CACHD1: variants seen among roughly 807,000 people sequenced by gnomAD.
CACHD1 encodes cache domain containing 1.
A neutral mutation model predicts 138.7 loss-of-function variants in CACHD1; 71 were observed. The ratio of observed to expected loss-of-function variants is 0.51; its 90% CI spans 0.42 to 0.62. CACHD1 has a LOEUF of 0.62. Ranked by LOEUF, CACHD1 falls within the 20% of genes least tolerant of loss-of-function variation. CACHD1 has a pLI of 0.00. For missense variants in CACHD1, 1,389 were observed against 1,625.3 expected, an observed-to-expected ratio of 0.85 and a Z score of 2.50; for synonymous variants, 578 against 591.5, an observed-to-expected ratio of 0.98 and a Z score of 0.33.
intron 3 of CACHD1, among the ~76,000 whole-genome samples, chr1:64,583,762 T>C (rs970369426): frequency 2.6e-5 from 4 of 152,126 alleles, no homozygotes; most frequent in African/African-American, 7.2e-5. Flanking sequence ...ACGTCTTATA[T>C]GGTGGCAGGA....
chr1:64,533,957 G>T (rs1387868940), intron 1 of CACHD1, among the ~76,000 whole-genome samples: 1 of 151,152 alleles, frequency 6.6e-6, no homozygotes, highest in African/African-American at 2.4e-5. Flanking sequence ...GTTTCACAGT[G>T]TTAGCCAGGA....
intron 3 of CACHD1, among the ~76,000 whole-genome samples, chr1:64,590,698 T>C (rs1254690968): frequency 6.6e-6 from 1 of 152,078 alleles, no homozygotes; most frequent in African/African-American, 2.4e-5. Flanking sequence ...TTTTAATTAT[T>C]TGTTTTTAAA....
chr1:64,626,033 A>T (rs12758356), intron 4 of CACHD1, among the ~76,000 whole-genome samples: 40,900 of 152,056 alleles, frequency 0.27, 5,784 homozygotes, highest in African/African-American at 0.35. Flanking sequence ...TCTGGGCATA[A>T]GTTTCTGGGA....
intron 1 of CACHD1, among the ~76,000 whole-genome samples, chr1:64,477,244 G>A (rs1484478614): frequency 2.0e-5 from 3 of 152,162 alleles, no homozygotes; most frequent in East Asian, 3.9e-4. Context: ...CCGGGAAGGT[G>A]GTAAACATGT....
intron 2 of CACHD1, among the ~76,000 whole-genome samples, chr1:64,562,108 A>G (rs1346820541): frequency 6.6e-6 from 1 of 152,016 alleles, no homozygotes; most frequent in Non-Finnish European, 1.5e-5. Context: ...CAGCAATTTG[A>G]CTATGATTAT....
intron 1 of CACHD1, among the ~76,000 whole-genome samples, chr1:64,477,587 TA>T: frequency 8.8e-5 from 3 of 34,044 alleles, no homozygotes; most frequent in Middle Eastern, 0.022. Flanking sequence ...CCCCCCAGAT[TA>T]TTATTATTAT....
chr1:64,535,105 A>G (rs1484465592), intron 1 of CACHD1, among the ~76,000 whole-genome samples: 2 of 152,150 alleles, frequency 1.3e-5, no homozygotes, highest in Non-Finnish European at 1.5e-5. Flanking sequence ...GAAGCCCACT[A>G]AAGCTTATTT....
At chr1:64,511,603 C>T (rs1033255841) in intron 1 of CACHD1, among the ~76,000 whole-genome samples, 1 of 152,188 alleles carries the variant, frequency 6.6e-6, no homozygotes, top group African/African-American at 2.4e-5. Flanking sequence ...AGTGGTCACC[C>T]AGCCGCTTCC....
intron 4 of CACHD1, among the ~76,000 whole-genome samples, chr1:64,613,854 C>G (rs1647613340): frequency 6.6e-6 from 1 of 152,172 alleles, no homozygotes; most frequent in Admixed American, 6.5e-5. Flanking sequence ...CTGCCACATG[C>G]TGGTGAATTC....
At chr1:64,477,800 A>G (rs305553) in intron 1 of CACHD1, among the ~76,000 whole-genome samples, 12,207 of 146,186 alleles carry the variant, frequency 0.084, 567 homozygotes, top group East Asian at 0.16. Flanking sequence ...GCGCCCGGCT[A>G]ATTTTTTGTA....
chr1:64,612,100 G>T (rs1453909311), intron 4 of CACHD1, among the ~76,000 whole-genome samples: 1 of 152,088 alleles, frequency 6.6e-6, no homozygotes, highest in Non-Finnish European at 1.5e-5. Flanking sequence ...TAGCATGGGG[G>T]AAACTGCCCC....
intron 7 of CACHD1, among the ~76,000 whole-genome samples, chr1:64,641,610 C>T (rs1330754800): frequency 1.3e-5 from 2 of 152,114 alleles, no homozygotes; most frequent in Non-Finnish European, 2.9e-5. Flanking sequence ...CCTGATGCTG[C>T]ATAAATGTGG....
chr1:64,491,289 C>T (rs1306470989), intron 1 of CACHD1, among the ~76,000 whole-genome samples: 1 of 151,590 alleles, frequency 6.6e-6, no homozygotes, highest in African/African-American at 2.4e-5. Flanking sequence ...AATGATCTCC[C>T]TCTGTTTTAC....
chr1:64,483,512 T>A (rs1224777077), intron 1 of CACHD1, among the ~76,000 whole-genome samples: 1 of 151,916 alleles, frequency 6.6e-6, no homozygotes, highest in Non-Finnish European at 1.5e-5. Context: ...TTTTGAGTAA[T>A]GTTTTGAAGG....
Position 64,607,777 on chromosome 1 carries a change from G to A in CACHD1, c.517+4865G>A, listed in dbSNP as rs370516314. 3.3e-5 allele frequency among the ~76,000 whole-genome samples: 5 copies of A among 152,288 alleles called. No homozygotes were observed. In the East Asian group the frequency reaches 7.7e-4, roughly 24 times the overall value. ...TGCTCATATGATGATGGGTATGAACGTGGGGACACTCCCTTCTTAGTGATT... is the reference window on the plus strand; with the variant it reads ...TGCTCATATGATGATGGGTATGAACATGGGGACACTCCCTTCTTAGTGATT... On this transcript the variant is annotated intron_variant, in intron 4 of 26. Coordinates refer to ENST00000651257, the MANE Select transcript of CACHD1 (RefSeq NM_020925.4).
chr1:64,675,661 GT>G, intron 20 of CACHD1, 100 bp downstream of exon 20: 2 of 1,396,922 alleles, frequency 1.4e-6, no homozygotes, highest in Non-Finnish European at 2.0e-6. Context: ...AAGTGCTGGT[GT>G]GTGTCCTGAA....
intron 4 of CACHD1, 95 bp from the exon 5 acceptor site, chr1:64,629,260 C>G (rs891471993): frequency 1.5e-6 from 2 of 1,367,802 alleles, no homozygotes; most frequent in African/African-American, 2.9e-5. Flanking sequence ...TTTCTTCATA[C>G]TAGAAGCAGT....
rs1162068431 is a variant in CACHD1, at chr1:64,634,356, T to TTTTATTTA, written c.1006+106_1006+113dup. 70 of 583,000 alleles carry TTTTATTTA rather than the reference T, an allele frequency of 1.2e-4. No individual in the cohort carries two copies. In the East Asian group the frequency reaches 2.3e-3, roughly 19 times the overall value. The allele number at this position is 583,000 out of a possible 1,614,324, so 36.1% of individuals were successfully genotyped here. ...GATCACACAATGATGTTTAGAGAGA[T>TTTTATTTA]TTTATTTATTTATTTATGTATGTAT... On this transcript the variant is annotated intron_variant, in intron 7 of 26. Transcript: ENST00000651257.
At chr1:64,552,688 A>C (rs1048078849) in intron 2 of CACHD1, among the ~76,000 whole-genome samples, 1 of 152,148 alleles carries the variant, frequency 6.6e-6, no homozygotes, top group Non-Finnish European at 1.5e-5. Flanking sequence ...CATGTTGCCC[A>C]GGCTGGTCTC....
Sources: gnomAD v4.1 joint callset for allele counts (sites outside exome capture counted in the v4.1 genomes callset) on GRCh38, gnomAD v4.1.1 for gene constraint, MANE v1.5 for transcripts, NCBI Gene and HGNC (gene_info 2026-07-23, HGNC 2026-07-21) for gene names.